RGS13: variants seen among roughly 807,000 people sequenced by gnomAD.
The protein encoded by RGS13 is regulator of G-protein signalling 13.
RGS13 carries 14 observed loss-of-function variants against 19.9 expected under a neutral mutation model. The ratio of observed to expected loss-of-function variants is 0.70; its 90% confidence interval spans 0.46 to 1.10. RGS13 has a LOEUF of 1.10. RGS13 is among the 50% of genes least tolerant of loss of function. The pLI, the probability that RGS13 is intolerant of heterozygous loss-of-function variation, is 0.00. For missense variants in RGS13, 205 were observed against 187.1 expected (o/e 1.10, Z -0.56); for synonymous variants, 60 against 56.8 (o/e 1.06, Z -0.25).
At chr1:192,641,254 AAAAG>A (rs771323101) in intron 3 of RGS13, among the ~76,000 whole-genome samples, 2,792 of 67,270 alleles carry the variant, frequency 0.042, 53 homozygotes, top group African/African-American at 0.065. Flanking sequence ...GAAAAGAAAG[AAAAG>A]AAAGAAAGAA....
rs764171040 is a variant in RGS13, at chr1:192,659,387, A to G, written c.344A>G (p.Glu115Gly). 15 of 1,612,922 alleles carry G rather than the reference A, an allele frequency of 9.3e-6. No homozygotes were observed. The highest frequency in any genetic ancestry group is 1.3e-5 in the African/African-American group (1 of 74,896). ...TRETIIRNIQ[E>G]PTETCFEEAQ... ...GAGACTATCATCAGGAACATTCAGG[A>G]ACCCACTGAAACATGTTTTGAAGAA... The change falls in exon 7 of 7, where the codon GAA (glutamate) becomes GGA (glycine). Residue 115 changes from glutamate (E) to glycine (G), a missense_variant. Coordinates refer to ENST00000391995, the MANE Select transcript of RGS13 (RefSeq NM_002927.5).
Position 192,637,940 on chromosome 1 carries a change from C to G in RGS13, c.-44-224C>G, listed in dbSNP as rs145433239. Reference sequence around the variant, plus strand: ...CTTTTGTAAAAAATTAGAACATTCCCTTTATGGAATTACCAAGGATATTTC... The same window carrying G: ...CTTTTGTAAAAAATTAGAACATTCCGTTTATGGAATTACCAAGGATATTTC... On this transcript the variant is annotated intron_variant, in intron 2 of 6. Coordinates refer to ENST00000391995, the MANE Select transcript of RGS13 (RefSeq NM_002927.5). 2.0e-5 allele frequency among the ~76,000 whole-genome samples: 3 copies of G among 152,026 alleles called. No individual in the cohort carries two copies. In the East Asian group the frequency reaches 5.8e-4, roughly 29 times the overall value.
intron 5 of RGS13, among the ~76,000 whole-genome samples, chr1:192,652,168 G>T (rs559460553): frequency 6.6e-6 from 1 of 152,182 alleles, no homozygotes; most frequent in African/African-American, 2.4e-5. Context: ...CCTTAGAAAT[G>T]CCAGTTAAAC....
chr1:192,649,899 GT>G (rs1369825378), intron 5 of RGS13, among the ~76,000 whole-genome samples: 3 of 152,002 alleles, frequency 2.0e-5, no homozygotes, highest in Non-Finnish European at 2.9e-5. Context: ...TGTGTATTGG[GT>G]TTTTTATATA....
In RGS13 at chr1:192,641,292, AAGAAAGAAAGAAAG is replaced by A. The variant is rs1168343219; in HGVS notation, c.-4-3037_-4-3024del. On this transcript the variant is annotated intron_variant, in intron 3 of 6. Transcript: ENST00000391995. ...AAAGAAAGAAAGAAAGAAAGAAAGA[AAGAAAGAAAGAAAG>A]AAAAGAAAGAAAGGAGGGAGGGAGG... Among the ~76,000 whole-genome samples the A allele has an allele frequency of 2.4e-3, 294 of 120,486 alleles. 3 individuals are homozygous for A. Among genetic ancestry groups the A allele is most frequent in the East Asian group, 0.022 (57 of 2,620 alleles). The allele number at this position is 120,486 out of a possible 152,430, so 79.0% of individuals were successfully genotyped here.
At chr1:192,639,925 G>A (rs192843569) in intron 3 of RGS13, among the ~76,000 whole-genome samples, 166 of 152,178 alleles carry the variant, frequency 1.1e-3, no homozygotes, top group African/African-American at 3.9e-3. Context: ...TTCTGCTTTT[G>A]CCAATTTCAT....
rs747155965 is a variant in RGS13 at position 192,644,319 on chromosome 1, G to C, written c.-4-12G>C. On this transcript the variant is annotated splice_polypyrimidine_tract_variant and intron_variant, in intron 3 of 6. Coordinates refer to ENST00000391995, the MANE Select transcript of RGS13 (RefSeq NM_002927.5). ...TGATTAAATTATACAAATATATACT[G>C]TATTTCCTTAGAAAAATGAGCAGGC... The C allele has an allele frequency of 1.9e-6, 3 of 1,580,494 alleles. No homozygotes were observed. The highest frequency in any genetic ancestry group is 1.3e-5 in the African/African-American group (1 of 74,080).
chr1:192,658,944 T>A (rs900595107), intron 6 of RGS13: 4 of 161,030 alleles, frequency 2.5e-5, no homozygotes, highest in African/African-American at 9.6e-5. Flanking sequence ...TTCAGTTAAA[T>A]CAACATTTGT....
At chr1:192,658,480 C>A in intron 6 of RGS13, 113 bp downstream of exon 6, 1 of 976,930 alleles carries the variant, frequency 1.0e-6, no homozygotes, top group Non-Finnish European at 1.5e-6. Flanking sequence ...TCCTAAAATG[C>A]TATAAATTCA....
intron 4 of RGS13, chr1:192,644,647 T>C (rs1412081709): frequency 9.0e-6 from 3 of 333,486 alleles, no homozygotes; most frequent in East Asian, 9.9e-5. Context: ...GTCTCTGTTC[T>C]TTTTAAAAAA....
chr1:192,650,154 A>G (rs1027513455), intron 5 of RGS13, among the ~76,000 whole-genome samples: 1 of 152,122 alleles, frequency 6.6e-6, no homozygotes, highest in African/African-American at 2.4e-5. Context: ...TTTGGCAAGG[A>G]TTTCAAGTGG....
chr1:192,646,173 A>G (rs768826043), intron 4 of RGS13: 10 of 152,216 alleles, frequency 6.6e-5, no homozygotes, highest in Non-Finnish European at 1.3e-4. Context: ...CAAGCAGTCC[A>G]TCCAAAACTG....
intron 4 of RGS13, 197 bp downstream of exon 4, chr1:192,644,596 A>G (rs1185100277): frequency 3.9e-6 from 2 of 507,758 alleles, no homozygotes; most frequent in Non-Finnish European, 7.1e-6. Context: ...TTTACACTTG[A>G]GAATTCAGCA....
In RGS13 at chr1:192,658,188, C is replaced by T. The variant is rs750970960; in HGVS notation, c.128-13C>T. 2 of 1,579,508 alleles carry T rather than the reference C, an allele frequency of 1.3e-6. No homozygotes were observed. Among genetic ancestry groups the T allele is most frequent in the East Asian group, 2.3e-5 (1 of 44,246 alleles). ...GACCCATGAAAATAAACTGATTTCT[C>T]CTCTACTTTTAGATGGTCCAGTAGT... is the stretch of plus-strand genomic sequence containing the variant. On this transcript the variant is annotated splice_polypyrimidine_tract_variant and intron_variant, in intron 5 of 6. Transcript: ENST00000391995.
rs559316670 is a variant in RGS13, at chr1:192,653,963, G to A, written c.128-4238G>A. Among the ~76,000 whole-genome samples the A allele has an allele frequency of 2.6e-4, 40 of 151,778 alleles. 1 individual carries two copies. Among genetic ancestry groups the A allele is most frequent in the South Asian group, 1.9e-3 (9 of 4,786 alleles). Reference sequence around the variant, plus strand: ...ACTGGGGCCTGTCATGGGGTGGGGGGAGCGGGGAGGGATAGCATTAGGAGA... The same window carrying A: ...ACTGGGGCCTGTCATGGGGTGGGGGAAGCGGGGAGGGATAGCATTAGGAGA... On this transcript the variant is annotated intron_variant, in intron 5 of 6. Coordinates refer to ENST00000391995, the MANE Select transcript of RGS13 (RefSeq NM_002927.5).
chr1:192,636,757 T>C (rs950543159), intron 1 of RGS13, among the ~76,000 whole-genome samples: 27 of 151,990 alleles, frequency 1.8e-4, no homozygotes, highest in African/African-American at 6.0e-4. Context: ...TATTATAAGG[T>C]TTATCTGAAA....
chr1:192,652,235 T>C (rs1408880397), intron 5 of RGS13, among the ~76,000 whole-genome samples: 5 of 152,064 alleles, frequency 3.3e-5, no homozygotes. Flanking sequence ...TCATGAACCA[T>C]CTGTGTGGGC....
rs1221270009 is a variant in RGS13 at position 192,658,086 on chromosome 1, T to C, written c.128-115T>C. The C allele has an allele frequency of 1.2e-5, 8 of 678,868 alleles. No individual in the cohort carries two copies. In the East Asian group the frequency reaches 2.2e-4, roughly 19 times the overall value. The allele number at this position is 678,868 out of a possible 1,614,324, so 42.1% of individuals were successfully genotyped here. The stretch of plus-strand genomic sequence containing the variant: ...GATATATAGAGATAGATATAAAATA[T>C]TTACTTGTTAAATAATTTGTGAGTT... On this transcript the variant is annotated intron_variant, in intron 5 of 6. Coordinates refer to ENST00000391995, the MANE Select transcript of RGS13 (RefSeq NM_002927.5).
At chr1:192,652,565 A>T (rs1001076839) in intron 5 of RGS13, among the ~76,000 whole-genome samples, 2 of 151,700 alleles carry the variant, frequency 1.3e-5, no homozygotes, top group African/African-American at 4.8e-5. Flanking sequence ...GGGGAAAAAA[A>T]CCTCGCCTAG....
Sources: gnomAD v4.1 joint callset for allele counts (sites outside exome capture counted in the v4.1 genomes callset) on GRCh38, gnomAD v4.1.1 for gene constraint, MANE v1.5 for transcripts, NCBI Gene and HGNC (gene_info 2026-07-23, HGNC 2026-07-21) for gene names.